Variants in PRKG1 observed in about 807,000 individuals in gnomAD.
PRKG1 encodes protein kinase cGMP-dependent 1, also known as cGMP-dependent protein kinase 1.
PRKG1 carries 35 observed loss-of-function variants against 88.1 expected under a neutral mutation model. The ratio of observed to expected loss-of-function variants is 0.40; its 90% confidence interval spans 0.30 to 0.53. The LOEUF (loss-of-function observed/expected upper bound fraction) is 0.53, where lower values mean the gene tolerates loss of function less well. PRKG1 is among the 20% of genes least tolerant of loss of function. The pLI is 0.59. For missense variants in PRKG1, 540 were observed against 839.8 expected (o/e 0.64, Z 4.41); for synonymous variants, 303 against 292.5 (o/e 1.04, Z -0.37).
chr10:51,875,579 T>G (rs147613094), intron 4 of PRKG1, among the ~76,000 whole-genome samples: 35 of 152,296 alleles, frequency 2.3e-4, no homozygotes, highest in African/African-American at 8.4e-4. Flanking sequence ...GCTCAGATTC[T>G]CTTTAAATAG....
intron 3 of PRKG1, among the ~76,000 whole-genome samples, chr10:51,674,671 G>A (rs570464935): frequency 2.0e-5 from 3 of 152,252 alleles, no homozygotes; most frequent in South Asian, 2.1e-4. Context: ...TTAGGAGTTC[G>A]AATGTAAGTT....
At chr10:51,028,197 A>G (rs1403302520) in intron 1 of PRKG1, among the ~76,000 whole-genome samples, 1 of 152,204 alleles carries the variant, frequency 6.6e-6, no homozygotes, top group East Asian at 1.9e-4. Context: ...TAAAAATCAG[A>G]TATGCTAATT....
At chr10:51,854,998 A>G (rs1257948025) in intron 4 of PRKG1, among the ~76,000 whole-genome samples, 1 of 152,174 alleles carries the variant, frequency 6.6e-6, no homozygotes, top group Non-Finnish European at 1.5e-5. Context: ...TGCAAAGTGG[A>G]TGAGTGTTAA....
chr10:51,591,346 C>A (rs1482816944), intron 3 of PRKG1, among the ~76,000 whole-genome samples: 1 of 152,140 alleles, frequency 6.6e-6, no homozygotes, highest in Non-Finnish European at 1.5e-5. Flanking sequence ...ACAGATCAAA[C>A]CCCCTCACCT....
intron 2 of PRKG1, among the ~76,000 whole-genome samples, chr10:51,443,045 T>C (rs972607614): frequency 1.3e-5 from 2 of 152,074 alleles, no homozygotes; most frequent in Non-Finnish European, 2.9e-5. Flanking sequence ...TTTAAGGATG[T>C]TGAGAAGTAC....
At chr10:51,372,790 A>T (rs1238755431) in intron 2 of PRKG1, among the ~76,000 whole-genome samples, 1 of 152,146 alleles carries the variant, frequency 6.6e-6, no homozygotes, top group Non-Finnish European at 1.5e-5. Flanking sequence ...AGATAATCAC[A>T]TGATTTTTCT....
At chr10:51,148,298 A>G (rs1247354264) in intron 1 of PRKG1, 1 of 982,780 alleles carries the variant, frequency 1.0e-6, no homozygotes, top group African/African-American at 1.7e-5. Flanking sequence ...TTCCCCTGAC[A>G]TTTGATCCCA....
intron 2 of PRKG1, among the ~76,000 whole-genome samples, chr10:51,455,452 C>T (rs293277): frequency 0.35 from 53,579 of 152,060 alleles, 10,499 homozygotes; most frequent in African/African-American, 0.51. Flanking sequence ...TCTTTCCTAT[C>T]GCATAGTCAG....
At chr10:51,385,515 G>T (rs1294124791) in intron 2 of PRKG1, among the ~76,000 whole-genome samples, 9 of 152,142 alleles carry the variant, frequency 5.9e-5, no homozygotes, top group African/African-American at 2.2e-4. Context: ...GACCAAATGT[G>T]TTCTTAGCCT....
chr10:52,090,109 G>A (rs533964477), intron 7 of PRKG1, among the ~76,000 whole-genome samples: 3 of 152,028 alleles, frequency 2.0e-5, no homozygotes, highest in South Asian at 2.1e-4. Flanking sequence ...CACCACACCC[G>A]GCCTAGATTG....
intron 12 of PRKG1, among the ~76,000 whole-genome samples, chr10:52,278,559 C>A (rs1054583207): frequency 1.3e-5 from 2 of 152,220 alleles, no homozygotes; most frequent in African/African-American, 4.8e-5. Flanking sequence ...GGACCCAACC[C>A]AAATGCCCAC....
chr10:51,150,524 A>T (rs994180049), intron 1 of PRKG1, among the ~76,000 whole-genome samples: 1 of 152,168 alleles, frequency 6.6e-6, no homozygotes, highest in Non-Finnish European at 1.5e-5. Context: ...ACACAGAGGC[A>T]CAAGGTATCT....
intron 3 of PRKG1, among the ~76,000 whole-genome samples, chr10:51,554,876 A>G (rs1837270574): frequency 6.6e-6 from 1 of 151,838 alleles, no homozygotes; most frequent in African/African-American, 2.4e-5. Context: ...TTTTTTTAAT[A>G]TAAGGCTAGA....
chr10:52,221,602 T>A (rs982298926), intron 9 of PRKG1, among the ~76,000 whole-genome samples: 4 of 152,164 alleles, frequency 2.6e-5, no homozygotes, highest in Non-Finnish European at 4.4e-5. Context: ...ATATTTATTT[T>A]AAAGTAATCC....
intron 3 of PRKG1, among the ~76,000 whole-genome samples, chr10:51,684,734 G>A (rs2132377694): frequency 6.6e-6 from 1 of 152,178 alleles, no homozygotes; most frequent in Non-Finnish European, 1.5e-5. Flanking sequence ...GGGCATGGTG[G>A]TGCATGCCTG....
chr10:51,613,483 T>G (rs1589131309), intron 3 of PRKG1, among the ~76,000 whole-genome samples: 1 of 151,848 alleles, frequency 6.6e-6, no homozygotes, highest in South Asian at 2.1e-4. Flanking sequence ...TTTTATTGAT[T>G]CTTTGTAATT....
At chr10:52,104,008 A>AATAT (rs138580126) in intron 7 of PRKG1, among the ~76,000 whole-genome samples, 67 of 145,358 alleles carry the variant, frequency 4.6e-4, no homozygotes, top group East Asian at 1.6e-3. Context: ...GTGTATATAT[A>AATAT]ATATATATAT....
At chr10:51,153,065 A>G (rs1846117945) in intron 1 of PRKG1, 99 bp from the exon 2 acceptor site, 2 of 921,898 alleles carry the variant, frequency 2.2e-6, no homozygotes, top group Non-Finnish European at 3.0e-6. Context: ...AAGAAAATAC[A>G]TTTGTGGTGT....
At chr10:52,032,865 G>A (rs560038569) in intron 5 of PRKG1, among the ~76,000 whole-genome samples, 1 of 152,208 alleles carries the variant, frequency 6.6e-6, no homozygotes, top group Admixed American at 6.5e-5. Flanking sequence ...AAATGGTAAA[G>A]GTCCTGTGTT....
Sources: allele counts gnomAD v4.1 joint callset (sites outside exome capture counted in the v4.1 genomes callset), GRCh38; gene constraint gnomAD v4.1.1; transcripts MANE v1.5; gene names NCBI Gene and HGNC (gene_info 2026-07-23, HGNC 2026-07-21).